The following KDM4C variants were observed in gnomAD, a reference collection of about 807,000 sequenced individuals.
The protein encoded by KDM4C is lysine demethylase 4C.
In KDM4C, 81 loss-of-function variants were observed where a neutral mutation model predicts 129.3. The ratio of observed to expected loss-of-function variants is 0.63; its 90% CI spans 0.52 to 0.75. The LOEUF (loss-of-function observed/expected upper bound fraction) is 0.75. Ranked by LOEUF, KDM4C falls within the 30% of genes least tolerant of loss-of-function variation. The pLI is 0.00. For synonymous variants in KDM4C, 573 were observed against 456.1 expected, an observed-to-expected ratio of 1.26 and a Z score of -3.26; for missense variants, 1,457 against 1,304.0, an observed-to-expected ratio of 1.12 and a Z score of -1.81.
chr9:6,827,632 T>A (rs1588538457), intron 4 of KDM4C, among the ~76,000 whole-genome samples: 3 of 152,236 alleles, frequency 2.0e-5, no homozygotes, highest in Non-Finnish European at 4.4e-5. Context: ...CCAGGAGAGT[T>A]CCTTTCCATT....
chr9:6,828,350 T>C (rs992290404), intron 4 of KDM4C, among the ~76,000 whole-genome samples: 2 of 151,950 alleles, frequency 1.3e-5, no homozygotes, highest in Non-Finnish European at 2.9e-5. Context: ...GGTTTCACCA[T>C]GTCAGACAGG....
At chr9:6,812,983 C>G (rs528731336) in intron 3 of KDM4C, among the ~76,000 whole-genome samples, 2 of 152,264 alleles carry the variant, frequency 1.3e-5, no homozygotes, top group African/African-American at 4.8e-5. Context: ...CGAGACCAGC[C>G]TGACCAACAT....
At chr9:7,080,927 T>C (rs546937670) in intron 17 of KDM4C, among the ~76,000 whole-genome samples, 1 of 152,344 alleles carries the variant, frequency 6.6e-6, no homozygotes, top group South Asian at 2.1e-4. Flanking sequence ...AAATAAGTCT[T>C]GGTTGACCTG....
At chr9:6,887,044 C>G (rs992783552) in intron 6 of KDM4C, among the ~76,000 whole-genome samples, 1 of 152,226 alleles carries the variant, frequency 6.6e-6, no homozygotes, top group South Asian at 2.1e-4. Context: ...CATCCTGTCA[C>G]ACATATGCAT....
At chr9:7,038,758 A>G (rs1288958038) in intron 15 of KDM4C, among the ~76,000 whole-genome samples, 1 of 152,014 alleles carries the variant, frequency 6.6e-6, no homozygotes, top group Non-Finnish European at 1.5e-5. Context: ...CTTCTCCGTA[A>G]CCATCATAAC....
intron 15 of KDM4C, among the ~76,000 whole-genome samples, chr9:7,028,452 T>A (rs1587032781): frequency 6.6e-6 from 1 of 151,786 alleles, no homozygotes; most frequent in South Asian, 2.1e-4. Context: ...GGTGAGCTGG[T>A]ATCCAAGATG....
intron 15 of KDM4C, among the ~76,000 whole-genome samples, chr9:7,041,570 G>C (rs1255418738): frequency 2.7e-5 from 4 of 150,462 alleles, no homozygotes; most frequent in Non-Finnish European, 5.9e-5. Context: ...ATTATATCTT[G>C]TACTTTTTTG....
intron 12 of KDM4C, among the ~76,000 whole-genome samples, chr9:6,995,559 A>G (rs967373900): frequency 6.6e-6 from 1 of 152,208 alleles, no homozygotes; most frequent in African/African-American, 2.4e-5. Flanking sequence ...AATGCCTCCA[A>G]TATAAGGTTA....
chr9:6,964,919 A>G (rs1293820680), intron 8 of KDM4C, among the ~76,000 whole-genome samples: 1 of 151,770 alleles, frequency 6.6e-6, no homozygotes, highest in East Asian at 1.9e-4. Context: ...GCGCCATTGC[A>G]CTCCAGCCTG....
intron 8 of KDM4C, among the ~76,000 whole-genome samples, chr9:6,906,369 A>G (rs1311516037): frequency 3.3e-5 from 5 of 152,216 alleles, no homozygotes; most frequent in Admixed American, 2.0e-4. Flanking sequence ...AGGAATTCTC[A>G]GCATCGTGGT....
At chr9:7,037,270 A>C (rs1827819945) in intron 15 of KDM4C, among the ~76,000 whole-genome samples, 1 of 152,166 alleles carries the variant, frequency 6.6e-6, no homozygotes, top group Admixed American at 6.5e-5. Flanking sequence ...GACACTGAAA[A>C]TTGGCTTTAG....
rs1026093036 is a variant in KDM4C at position 7,023,590 on chromosome 9, T to G, written c.2259+7661T>G. On this transcript the variant is annotated intron_variant, in intron 15 of 21. Coordinates refer to ENST00000381309, the MANE Select transcript of KDM4C (RefSeq NM_015061.6). ...TTTTTCTTTCTTTTTAAAAAACATC[T>G]TTTTGTTTTATTGATCTGTTGTGTT... 2.0e-5 allele frequency among the ~76,000 whole-genome samples: 3 copies of G among 152,238 alleles called. No individual in the cohort carries two copies. In the South Asian group the frequency reaches 6.2e-4, roughly 32 times the overall value.
Position 6,986,436 on chromosome 9 carries a change from G to C in KDM4C, c.1447G>C (p.Glu483Gln). Reference protein sequence around the residue: ...AYRSVPSISSEADDSIPLSSG... With the variant: ...AYRSVPSISSQADDSIPLSSG... ...TAGAAGTGTACCTTCTATATCCAGT[G>C]AGGCTGATGATTCCATTCCATTGTC... The change falls in exon 11 of 22, where the codon GAG becomes CAG. Residue 483 changes from glutamate to glutamine, a missense_variant. Coordinates refer to ENST00000381309, the MANE Select transcript of KDM4C (RefSeq NM_015061.6). The C allele has an allele frequency of 6.2e-7, 1 of 1,614,066 alleles. No individual in the cohort carries two copies.
intron 8 of KDM4C, among the ~76,000 whole-genome samples, chr9:6,956,253 T>C (rs1239187254): frequency 6.6e-6 from 1 of 152,192 alleles, no homozygotes; most frequent in Non-Finnish European, 1.5e-5. Flanking sequence ...AAGAGTGTAA[T>C]TGGATTGTTT....
intron 1 of KDM4C, among the ~76,000 whole-genome samples, chr9:6,790,091 A>G (rs1195270774): frequency 1.4e-5 from 2 of 147,994 alleles, no homozygotes; most frequent in African/African-American, 2.5e-5. Flanking sequence ...CCTGGCCAAC[A>G]TGGCGAAACC....
intron 8 of KDM4C, among the ~76,000 whole-genome samples, chr9:6,931,758 C>A (rs1363148591): frequency 1.3e-5 from 2 of 152,188 alleles, no homozygotes; most frequent in Non-Finnish European, 2.9e-5. Context: ...GCCTTAGTCT[C>A]CCAAAGTGTT....
intron 15 of KDM4C, among the ~76,000 whole-genome samples, chr9:7,036,310 CCAAAT>C (rs1827638344): frequency 6.6e-6 from 1 of 152,052 alleles, no homozygotes; most frequent in Non-Finnish European, 1.5e-5. Flanking sequence ...TATTTGAAAA[CCAAAT>C]GTTGTATAAC....
At chr9:6,981,439 A>G (rs1425913176) in intron 9 of KDM4C, among the ~76,000 whole-genome samples, 2 of 152,176 alleles carry the variant, frequency 1.3e-5, no homozygotes, top group African/African-American at 2.4e-5. Flanking sequence ...ATTTTAATCA[A>G]TAACTTGATT....
intron 5 of KDM4C, among the ~76,000 whole-genome samples, chr9:6,861,275 C>T (rs1002992732): frequency 1.3e-5 from 2 of 152,142 alleles, no homozygotes; most frequent in Admixed American, 1.3e-4. Context: ...TATTCAACTT[C>T]CTGAGAGCAG....
Sources: gnomAD v4.1 joint callset for allele counts (sites outside exome capture counted in the v4.1 genomes callset) on GRCh38, gnomAD v4.1.1 for gene constraint, MANE v1.5 for transcripts, NCBI Gene and HGNC (gene_info 2026-07-23, HGNC 2026-07-21) for gene names.